ACTR5: variants seen among roughly 807,000 people sequenced by gnomAD.
ACTR5 encodes the protein actin-related protein 5.
Under a neutral mutation model 61.2 loss-of-function variants are expected in ACTR5, and 43 were observed. The observed-to-expected ratio is 0.70, with a 90% CI of 0.55 to 0.91. The LOEUF (loss-of-function observed/expected upper bound fraction) is 0.91. Ranked by LOEUF, ACTR5 falls within the 40% of genes least tolerant of loss-of-function variation. The pLI, the probability that ACTR5 is intolerant of heterozygous loss-of-function variation, is 0.00. For missense variants in ACTR5, 798 were observed against 782.2 expected (o/e 1.02, Z -0.24); for synonymous variants, 333 against 310.5 (o/e 1.07, Z -0.76).
At chr20:38,761,588 G>C (rs1364362091) in intron 5 of ACTR5, 1 of 150,562 alleles carries the variant, frequency 6.6e-6, no homozygotes, top group African/African-American at 2.5e-5. Flanking sequence ...GGTTGATTCG[G>C]CTGATCTGGC....
intron 5 of ACTR5, among the ~76,000 whole-genome samples, chr20:38,764,669 A>G (rs1318118268): frequency 1.3e-5 from 2 of 152,144 alleles, no homozygotes; most frequent in Non-Finnish European, 2.9e-5. Context: ...GCGTTGGCAC[A>G]TACATTTATT....
At chr20:38,762,020 C>T (rs1339416831) in intron 5 of ACTR5, among the ~76,000 whole-genome samples, 1 of 152,212 alleles carries the variant, frequency 6.6e-6, no homozygotes, top group Non-Finnish European at 1.5e-5. Flanking sequence ...CCATTCCAAA[C>T]TTAGCAGCAT....
chr20:38,748,899 G>A (rs949243008), intron 1 of ACTR5, 46 bp downstream of exon 1: 2 of 1,551,186 alleles, frequency 1.3e-6, no homozygotes, highest in Non-Finnish European at 8.7e-7. Context: ...GAGGGGAGGG[G>A]TGCGGTCTCG....
chr20:38,750,003 A>G lies in ACTR5; in HGVS notation c.376-7A>G, dbSNP rs562841865. On this transcript the variant is annotated splice_region_variant and splice_polypyrimidine_tract_variant and intron_variant, in intron 1 of 8. Transcript: ENST00000243903. ...ACTCATTTATTTGCCCTTTTCTTTC[A>G]AAGTAGGGCTGTGTTGATCATCCCA... The G allele has an allele frequency of 4.1e-5, 66 of 1,607,306 alleles. No homozygotes were observed. In the South Asian group the frequency reaches 6.6e-4, roughly 16 times the overall value.
chr20:38,755,595 C>T (rs2084415443), intron 4 of ACTR5, among the ~76,000 whole-genome samples: 1 of 141,552 alleles, frequency 7.1e-6, no homozygotes, highest in African/African-American at 2.5e-5. Context: ...ACATCCCCCG[C>T]CCCACCAAAA....
rs752794184 is a variant in ACTR5, at chr20:38,766,248, ACT to A, written c.1305_1306del (p.Leu436GlyfsTer103). ...CTTGGGTTTTTAAAGCCCGTGTTTAACTTGGCAGCATATCATCAGCTATTTGT... is the reference window on the plus strand; with the variant it reads ...CTTGGGTTTTTAAAGCCCGTGTTTAATGGCAGCATATCATCAGCTATTTGT... On this transcript the variant is annotated frameshift_variant, in exon 7 of 9. Transcript: ENST00000243903. LOFTEE classifies it high-confidence loss of function. 4 of 1,608,974 alleles carry A rather than the reference ACT, an allele frequency of 2.5e-6. No individual in the cohort carries two copies. Among genetic ancestry groups the A allele is most frequent in the Non-Finnish European group, 3.4e-6 (4 of 1,178,860 alleles).
intron 8 of ACTR5, among the ~76,000 whole-genome samples, chr20:38,769,691 A>G (rs1464078065): frequency 6.6e-6 from 1 of 152,114 alleles, no homozygotes. Flanking sequence ...GCAAGAGGGT[A>G]GTTTCACACC....
chr20:38,764,661 G>T lies in ACTR5; in HGVS notation c.1177-741G>T, dbSNP rs138150056. 9.1e-4 allele frequency among the ~76,000 whole-genome samples: 139 copies of T among 152,246 alleles called. 2 individuals are homozygous for T. Among genetic ancestry groups the T allele is most frequent in the African/African-American group, 3.2e-3 (132 of 41,526 alleles). Reference sequence around the variant, plus strand: ...GGGACTGATTGTTGAGCTCATTAGCGTTGGCACATACATTTATTTATATTT... The same window carrying T: ...GGGACTGATTGTTGAGCTCATTAGCTTTGGCACATACATTTATTTATATTT... On this transcript the variant is annotated intron_variant, in intron 5 of 8. Coordinates refer to ENST00000243903, the MANE Select transcript of ACTR5 (RefSeq NM_024855.4).
rs989680088 is a variant in ACTR5 at position 38,772,068 on chromosome 20, G to T, written c.*252G>T. On this transcript the variant is annotated 3_prime_UTR_variant, in exon 9 of 9. Transcript: ENST00000243903. The stretch of plus-strand genomic sequence containing the variant: ...TCTTTGTTCAACTGTGGCCAGCTGT[G>T]GCATCAGCTTCCTGGAGCAGTAAAT... The T allele has an allele frequency of 1.9e-6, 1 of 518,976 alleles. No homozygotes were observed. Among genetic ancestry groups the T allele is most frequent in the African/African-American group, 1.9e-5 (1 of 52,814 alleles). 32.1% of individuals were successfully genotyped at this position (518,976 alleles called of 1,614,324 possible). A position where few individuals can be genotyped will look rare whatever the true frequency, so the allele number is the denominator to read the frequency against.
intron 4 of ACTR5, among the ~76,000 whole-genome samples, 166 bp from the exon 5 acceptor site, chr20:38,755,691 A>G (rs1446597094): frequency 2.0e-5 from 3 of 151,982 alleles, no homozygotes; most frequent in African/African-American, 7.3e-5. Flanking sequence ...ATGCAATGCT[A>G]GCCTAGAGAC....
chr20:38,760,646 A>T (rs2084447954), intron 5 of ACTR5, among the ~76,000 whole-genome samples: 1 of 152,204 alleles, frequency 6.6e-6, no homozygotes, highest in Non-Finnish European at 1.5e-5. Context: ...GGTAGGTACT[A>T]TCATTATCCC....
Position 38,765,397 on chromosome 20 carries a change from C to T in ACTR5, c.1177-5C>T. 6.2e-7 allele frequency: 1 copy of T among 1,612,824 alleles called. No homozygotes were observed. The highest frequency in any genetic ancestry group is 8.5e-7 in the Non-Finnish European group (1 of 1,178,822). ...GGTTCTGTTTCATTTTGCTCCTTCT[C>T]TTAGACCCCTGACCTGGAGCAGCTG... On this transcript the variant is annotated splice_polypyrimidine_tract_variant and splice_region_variant and intron_variant, in intron 5 of 8. Transcript: ENST00000243903.
intron 1 of ACTR5, 22 bp from the exon 2 acceptor site, chr20:38,749,988 T>A (rs372446166): frequency 7.5e-6 from 12 of 1,592,262 alleles, no homozygotes; most frequent in Non-Finnish European, 1.0e-5. Context: ...ACTCATTTAT[T>A]TGCCCTTTTC....
At chr20:38,767,410 TTTCG>T in intron 7 of ACTR5, 50 bp from the exon 8 acceptor site, 2 of 1,499,032 alleles carry the variant, frequency 1.3e-6, no homozygotes, top group South Asian at 2.7e-5. Context: ...TGCATCCACA[TTTCG>T]TTCTGATATT....
At chr20:38,759,321 A>G (rs767853993) in intron 5 of ACTR5, among the ~76,000 whole-genome samples, 1 of 152,208 alleles carries the variant, frequency 6.6e-6, no homozygotes, top group Non-Finnish European at 1.5e-5. Context: ...GAACAGTCAT[A>G]TTAGTGTTTC....
chr20:38,771,725 G>A lies in ACTR5; in HGVS notation c.1733G>A (p.Arg578His), dbSNP rs78656585. ...HCASNIYVPIRLPKQASRSSD... is the reference protein window; with the variant it reads ...HCASNIYVPIHLPKQASRSSD... The stretch of plus-strand genomic sequence containing the variant: ...GCTTCCAACATCTATGTCCCCATCC[G>A]CCTGCCGAAGCAGGCCTCCCGCTCC... The change falls in exon 9 of 9, where the codon CGC becomes CAC. Residue 578 changes from arginine (R) to histidine (H), a missense_variant. Arg to His is a conservative substitution (Grantham distance 29). Transcript: ENST00000243903. 24 of 1,613,318 alleles carry A rather than the reference G, an allele frequency of 1.5e-5. No homozygotes were observed. The Admixed American group carries it at 2.3e-4, about 16-fold the overall frequency.
In ACTR5 at chr20:38,771,359, C is replaced by T. The variant is rs547619700; in HGVS notation, c.1567-200C>T. ...TTATGTTAGTAAAATGTCTGACAGC[C>T]GTCTGTTCTGGAGAGTCTGGGCATT... On this transcript the variant is annotated intron_variant, in intron 8 of 8. Coordinates refer to ENST00000243903, the MANE Select transcript of ACTR5 (RefSeq NM_024855.4). 1.6e-4 allele frequency among the ~76,000 whole-genome samples: 25 copies of T among 152,334 alleles called. 1 individual carries two copies. Among genetic ancestry groups the T allele is most frequent in the African/African-American group, 4.8e-4 (20 of 41,576 alleles).
intron 5 of ACTR5, 57 bp downstream of exon 5, chr20:38,756,096 G>A: frequency 2.0e-6 from 3 of 1,516,404 alleles, no homozygotes; most frequent in Admixed American, 4.5e-5. Flanking sequence ...GTCCTGAGAG[G>A]CCTGACATCA....
Position 38,752,123 on chromosome 20 carries a change from G to T in ACTR5, c.606-8G>T, listed in dbSNP as rs865871481. 5 of 1,609,916 alleles carry T rather than the reference G, an allele frequency of 3.1e-6. No individual in the cohort carries two copies. The highest frequency in any genetic ancestry group is 2.2e-5 in the South Asian group (2 of 90,862). On this transcript the variant is annotated splice_region_variant and splice_polypyrimidine_tract_variant and intron_variant, in intron 2 of 8. Transcript: ENST00000243903. ...ATTTCAGTGCTGTTTTCTACTGCTT[G>T]GTTATAGATTAGATGCTAAAAACTG...
Sources: gnomAD v4.1 joint callset for allele counts (sites outside exome capture counted in the v4.1 genomes callset) on GRCh38, gnomAD v4.1.1 for gene constraint, MANE v1.5 for transcripts, NCBI Gene and HGNC (gene_info 2026-07-23, HGNC 2026-07-21) for gene names.